EPS15L1: variants seen among roughly 807,000 people sequenced by gnomAD.
EPS15L1 encodes the protein epidermal growth factor receptor substrate 15-like 1.
Under a neutral mutation model 117.1 loss-of-function variants are expected in EPS15L1, and 43 were observed. That is an observed-to-expected ratio of 0.37 (90% confidence interval 0.29 to 0.47). The LOEUF (loss-of-function observed/expected upper bound fraction) is 0.47. Ranked by LOEUF, EPS15L1 falls within the 20% of genes least tolerant of loss-of-function variation. The pLI, the probability that EPS15L1 is intolerant of heterozygous loss-of-function variation, is 0.99. For synonymous variants in EPS15L1, 459 were observed against 470.5 expected (o/e 0.98, Z 0.32); for missense variants, 981 against 1,164.0 (o/e 0.84, Z 2.29).
chr19:16,466,672 G>A (rs765934954), intron 1 of EPS15L1, among the ~76,000 whole-genome samples: 5 of 152,144 alleles, frequency 3.3e-5, no homozygotes, highest in Non-Finnish European at 7.4e-5. Flanking sequence ...GGAGGCTGAG[G>A]CAGACAGATC....
intron 21 of EPS15L1, among the ~76,000 whole-genome samples, chr19:16,378,450 C>T (rs993090675): frequency 5.3e-5 from 8 of 152,160 alleles, no homozygotes; most frequent in African/African-American, 9.7e-5. Flanking sequence ...CACCAGGAAC[C>T]CCTCTCCTTG....
chr19:16,382,886 G>A (rs906973213), intron 21 of EPS15L1: 4 of 152,098 alleles, frequency 2.6e-5, no homozygotes, highest in Non-Finnish European at 4.4e-5. Flanking sequence ...GAGGTAAGGT[G>A]CTTCAATTCA....
chr19:16,425,284 CT>C lies in EPS15L1; in HGVS notation c.590del (p.Lys197ArgfsTer71). 6.2e-7 allele frequency: 1 copy of C among 1,606,262 alleles called. No individual in the cohort carries two copies. The highest frequency in any genetic ancestry group is 8.5e-7 in the Non-Finnish European group (1 of 1,176,064). ...AMHLVYRALE[K>X]EPVPSALPPS... ...GGGGCAGGGCGGAGGGCACGGGCTCCTTCTCCAGGGCTCGGTACACCAAGTG... is the reference window on the plus strand; with the variant it reads ...GGGGCAGGGCGGAGGGCACGGGCTCCTCTCCAGGGCTCGGTACACCAAGTG... On this transcript the variant is annotated frameshift_variant, in exon 9 of 24. Coordinates refer to ENST00000455140, the MANE Select transcript of EPS15L1 (RefSeq NM_001258374.3). LOFTEE classifies it high-confidence loss of function.
chr19:16,392,258 C>T (rs1251988318), intron 19 of EPS15L1, 46 bp downstream of exon 19: 2 of 1,610,206 alleles, frequency 1.2e-6, no homozygotes, highest in African/African-American at 2.7e-5. Context: ...CCTTACCACA[C>T]AGAGCAGGCA....
chr19:16,411,210 G>A (rs1190434145), intron 13 of EPS15L1, among the ~76,000 whole-genome samples: 1 of 152,198 alleles, frequency 6.6e-6, no homozygotes, highest in Non-Finnish European at 1.5e-5. Flanking sequence ...CCGATGGGAG[G>A]AACAGATGAA....
intron 22 of EPS15L1, among the ~76,000 whole-genome samples, chr19:16,364,029 A>G (rs1599522953): frequency 1.3e-5 from 2 of 152,274 alleles, no homozygotes; most frequent in Admixed American, 1.3e-4. Flanking sequence ...ACCTCTGGCC[A>G]CCAGCTGCGG....
At chr19:16,441,351 A>C in intron 3 of EPS15L1, 1 of 207,180 alleles carries the variant, frequency 4.8e-6, no homozygotes, top group East Asian at 1.3e-4. Context: ...AGGTGCCTGT[A>C]GCCCCAGCTA....
chr19:16,357,752 C>CT (rs2144615875), intron 23 of EPS15L1: 1 of 152,326 alleles, frequency 6.6e-6, no homozygotes, highest in East Asian at 1.9e-4. Flanking sequence ...AGGGCTGAGT[C>CT]TTGACTTCTT....
rs2093343409 is a variant in EPS15L1, at chr19:16,471,159, T to C, written c.33+754A>G. On this transcript the variant is annotated intron_variant, in intron 1 of 23. Transcript: ENST00000455140. The surrounding 1 kb of genome is among the most constrained non-coding windows in gnomAD (Gnocchi z 4.8). ...TTAGCATAACACAGGTAGTTTCTAGTTCCCACGAGTGTCACCTCCAGGAAA... is the reference window on the plus strand; with the variant it reads ...TTAGCATAACACAGGTAGTTTCTAGCTCCCACGAGTGTCACCTCCAGGAAA... Among the ~76,000 whole-genome samples, 1 of 152,208 alleles carries C rather than the reference T, an allele frequency of 6.6e-6. No homozygotes were observed. Among genetic ancestry groups the C allele is most frequent in the Admixed American group, 6.5e-5 (1 of 15,280 alleles).
At chr19:16,410,275 G>A (rs1306874099) in intron 13 of EPS15L1, among the ~76,000 whole-genome samples, 1 of 152,204 alleles carries the variant, frequency 6.6e-6, no homozygotes, top group Non-Finnish European at 1.5e-5. Context: ...GACGTCGCTA[G>A]GGAAGCATGA....
chr19:16,453,443 G>A (rs1219603808), intron 1 of EPS15L1, among the ~76,000 whole-genome samples: 3 of 152,162 alleles, frequency 2.0e-5, no homozygotes, highest in Non-Finnish European at 4.4e-5. Flanking sequence ...GCTGGGCACA[G>A]TGGCTCATGC....
intron 19 of EPS15L1, among the ~76,000 whole-genome samples, chr19:16,388,762 G>A (rs1044549234): frequency 7.2e-5 from 11 of 152,156 alleles, no homozygotes; most frequent in African/African-American, 2.7e-4. Flanking sequence ...GGGAGGCGGA[G>A]CTTGCAGTGA....
At chr19:16,391,014 G>A (rs997394983) in intron 19 of EPS15L1, among the ~76,000 whole-genome samples, 1 of 152,070 alleles carries the variant, frequency 6.6e-6, no homozygotes, top group African/African-American at 2.4e-5. Flanking sequence ...TCAAACCAAT[G>A]TTAAGTCCAG....
chr19:16,404,500 G>A lies in EPS15L1; in HGVS notation c.1428+88C>T. The A allele has an allele frequency of 7.0e-7, 1 of 1,432,766 alleles. No individual in the cohort carries two copies. Among genetic ancestry groups the A allele is most frequent in the Non-Finnish European group, 9.6e-7 (1 of 1,037,350 alleles). 88.8% of individuals were successfully genotyped at this position (1,432,766 alleles called of 1,614,324 possible). On this transcript the variant is annotated intron_variant, in intron 14 of 23. Coordinates refer to ENST00000455140, the MANE Select transcript of EPS15L1 (RefSeq NM_001258374.3). The surrounding 1 kb of genome is among the most constrained non-coding windows in gnomAD (Gnocchi z 4.2). ...TGACCCAGTAGGATGTCTAAGTGTT[G>A]TGTTCCCAGGTAACACGAGCTCAGG... is the stretch of plus-strand genomic sequence containing the variant.
chr19:16,458,709 C>A (rs554883748), intron 1 of EPS15L1, among the ~76,000 whole-genome samples: 1 of 152,262 alleles, frequency 6.6e-6, no homozygotes, highest in Non-Finnish European at 1.5e-5. Flanking sequence ...CAGCCACACA[C>A]ACATACACAC....
chr19:16,355,741 G>C lies in EPS15L1; in HGVS notation c.2697C>G (p.Ala899=), dbSNP rs547301069. The C allele has an allele frequency of 2.6e-6, 4 of 1,535,914 alleles. No individual in the cohort carries two copies. The highest frequency in any genetic ancestry group is 3.5e-6 in the Non-Finnish European group (4 of 1,146,822). The part of the protein sequence containing the change: ...RRQEQEDLEL[A]IALSKADMPA... ...GCATGTCAGCCTTGCTGAGCGCGAT[G>C]GCCAGTTCCAGGTCCTCCTGCTCCT... Residue 899 remains alanine, a synonymous_variant, in exon 24 of 24, where the codon GCC becomes GCG. Transcript: ENST00000455140.
At chr19:16,367,521 A>AC (rs1352528384) in intron 22 of EPS15L1, among the ~76,000 whole-genome samples, 8 of 149,594 alleles carry the variant, frequency 5.3e-5, no homozygotes, top group Admixed American at 3.3e-4. Context: ...AAAAAAAAAA[A>AC]AAAAACTTGG....
At position 16,383,310 on chromosome 19, in the gene EPS15L1, G is replaced by C. The variant is rs539521822; in HGVS notation, c.2247+1819C>G. ...AGGCAGAGGGCGGTCATTAGATCCCGGCCCTAGCTCAGGCTCTGCTAGCTC... is the reference window on the plus strand; with the variant it reads ...AGGCAGAGGGCGGTCATTAGATCCCCGCCCTAGCTCAGGCTCTGCTAGCTC... On this transcript the variant is annotated intron_variant, in intron 21 of 23. Coordinates refer to ENST00000455140, the MANE Select transcript of EPS15L1 (RefSeq NM_001258374.3). The surrounding 1 kb of genome is among the most constrained non-coding windows in gnomAD (Gnocchi z 5.2). 2 of 152,266 alleles carry C rather than the reference G, an allele frequency of 1.3e-5. No homozygotes were observed. The highest frequency in any genetic ancestry group is 4.8e-5 in the African/African-American group (2 of 41,538). The allele number at this position is 152,266 out of a possible 1,614,324, so 9.4% of individuals were successfully genotyped here.
intron 22 of EPS15L1, among the ~76,000 whole-genome samples, chr19:16,376,026 G>A (rs906893373): frequency 2.0e-5 from 3 of 152,234 alleles, no homozygotes; most frequent in African/African-American, 7.2e-5. Flanking sequence ...GCAAAGTGAG[G>A]CCAGTGGCAG....
Sources: allele counts gnomAD v4.1 joint callset (sites outside exome capture counted in the v4.1 genomes callset), GRCh38; gene constraint gnomAD v4.1.1; non-coding constraint Gnocchi (gnomAD v3.1); transcripts MANE v1.5; gene names NCBI Gene and HGNC (gene_info 2026-07-23, HGNC 2026-07-21).